MEGF11: variants seen among roughly 807,000 people sequenced by gnomAD.
The protein encoded by MEGF11 is multiple epidermal growth factor-like domains protein 11.
In MEGF11, 126 loss-of-function variants were observed where a neutral mutation model predicts 146.6. The observed-to-expected ratio is 0.86, with a 90% CI of 0.74 to 1.00. The LOEUF (loss-of-function observed/expected upper bound fraction) is 1.00. Ranked by LOEUF, MEGF11 falls within the 50% of genes least tolerant of loss-of-function variation. The probability of loss-of-function intolerance (pLI) is 0.00; values close to 1 mark genes in which losing one functional copy is unlikely to be tolerated. For missense variants in MEGF11, 1,509 were observed against 1,521.2 expected (o/e 0.99, Z 0.13); for synonymous variants, 532 against 583.4 (o/e 0.91, Z 1.27).
At chr15:66,093,173 C>G (rs544336608) in intron 5 of MEGF11, among the ~76,000 whole-genome samples, 48 of 152,288 alleles carry the variant, frequency 3.2e-4, no homozygotes, top group African/African-American at 1.1e-3. Flanking sequence ...ATACCTCAAA[C>G]AGATCATGGA....
At chr15:66,173,941 C>T (rs1394905928) in intron 1 of MEGF11, among the ~76,000 whole-genome samples, 1 of 152,190 alleles carries the variant, frequency 6.6e-6, no homozygotes, top group East Asian at 1.9e-4. Context: ...CAGAACAGTC[C>T]TCAGAGGGGC....
intron 4 of MEGF11, among the ~76,000 whole-genome samples, chr15:66,115,207 C>T (rs2087664198): frequency 6.6e-6 from 1 of 152,234 alleles, no homozygotes; most frequent in African/African-American, 2.4e-5. Flanking sequence ...GATGGGTTCT[C>T]ACCAGGTTCT....
intron 5 of MEGF11, among the ~76,000 whole-genome samples, chr15:66,077,479 C>A (rs4776717): frequency 0.96 from 146,778 of 152,310 alleles, 70,957 homozygotes; most frequent in East Asian, 1. Flanking sequence ...TATGGCTTTG[C>A]ATTCTCTCAA....
At chr15:66,015,788 A>C (rs1298262286) in intron 5 of MEGF11, among the ~76,000 whole-genome samples, 1 of 152,130 alleles carries the variant, frequency 6.6e-6, no homozygotes, top group Non-Finnish European at 1.5e-5. Context: ...TGGGAACTGC[A>C]AGGTGGCCAC....
chr15:66,153,987 C>G (rs1421490375), intron 1 of MEGF11, among the ~76,000 whole-genome samples: 1 of 152,228 alleles, frequency 6.6e-6, no homozygotes, highest in Admixed American at 6.5e-5. Context: ...CGGGTATCAA[C>G]AGCTGCAGGG....
rs115770534 is a variant in MEGF11 at position 66,059,234 on chromosome 15, G to A, written c.394+35168C>T. Among the ~76,000 whole-genome samples the A allele has an allele frequency of 3.2e-3, 487 of 152,244 alleles. 3 individuals carry two copies. The highest frequency in any genetic ancestry group is 0.011 in the African/African-American group (458 of 41,524). On this transcript the variant is annotated intron_variant, in intron 5 of 25. Transcript: ENST00000395614. ...CCAGCCCAGAGCTGTTCCCTCCCCCGCGCCATCCTCACCACGAGGAAGTTC... is the reference window on the plus strand; with the variant it reads ...CCAGCCCAGAGCTGTTCCCTCCCCCACGCCATCCTCACCACGAGGAAGTTC...
rs150362276 is a variant in MEGF11 at position 65,949,316 on chromosome 15, G to A, written c.1287+8231C>T. 1.3e-3 allele frequency among the ~76,000 whole-genome samples: 202 copies of A among 152,232 alleles called. 3 individuals carry two copies. In the East Asian group the frequency reaches 0.034, roughly 26 times the overall value. ...TGATCTGAATTTTCATAACTCTTGC[G>A]CCCCGCTCCCACCTTCCCTGGTCAG... On this transcript the variant is annotated intron_variant, in intron 10 of 25. Transcript: ENST00000395614.
intron 4 of MEGF11, 88 bp downstream of exon 4, chr15:66,118,998 G>A: frequency 2.3e-6 from 2 of 871,472 alleles, no homozygotes; most frequent in Non-Finnish European, 1.8e-6. Context: ...AGGGGCCGTG[G>A]ATATCAGCCC....
At chr15:66,074,937 G>T (rs1029947360) in intron 5 of MEGF11, among the ~76,000 whole-genome samples, 1 of 152,108 alleles carries the variant, frequency 6.6e-6, no homozygotes, top group Non-Finnish European at 1.5e-5. Context: ...CTTATTACCC[G>T]TCAAAATATG....
At chr15:65,990,464 T>C (rs2081995670) in intron 5 of MEGF11, among the ~76,000 whole-genome samples, 1 of 151,466 alleles carries the variant, frequency 6.6e-6, no homozygotes, top group Admixed American at 6.6e-5. Context: ...GGTGGGAGAA[T>C]TGCTTGGGCC....
At chr15:66,119,236 C>A in intron 3 of MEGF11, 50 bp from the exon 4 acceptor site, 1 of 1,265,224 alleles carries the variant, frequency 7.9e-7, no homozygotes, top group South Asian at 1.3e-5. Context: ...ATCAATCACT[C>A]CCATTTAGAA....
At chr15:66,218,628 C>T (rs1169009887) in intron 1 of MEGF11, among the ~76,000 whole-genome samples, 1 of 152,026 alleles carries the variant, frequency 6.6e-6, no homozygotes, top group East Asian at 1.9e-4. Context: ...CTTGCCTGTC[C>T]ACTTGCTTCA....
chr15:65,907,018 A>G (rs894343628), intron 23 of MEGF11, among the ~76,000 whole-genome samples: 1 of 152,108 alleles, frequency 6.6e-6, no homozygotes, highest in Non-Finnish European at 1.5e-5. Context: ...GACAGTAATG[A>G]CTCTGGCTCA....
Position 66,179,526 on chromosome 15 carries a change from G to C in MEGF11, c.-8-51115C>G, listed in dbSNP as rs545150839. 7.9e-5 allele frequency among the ~76,000 whole-genome samples: 12 copies of C among 152,246 alleles called. No individual in the cohort carries two copies. In the East Asian group the frequency reaches 2.3e-3, roughly 29 times the overall value. On this transcript the variant is annotated intron_variant, in intron 1 of 25. Coordinates refer to ENST00000395614, the MANE Select transcript of MEGF11 (RefSeq NM_001385028.1). ...GCAGACCTTCAGGAACAGGCTCTCC[G>C]CCTGTGAAGCTCTGAATCTCCATTC...
chr15:65,996,284 G>C (rs2082195445), intron 5 of MEGF11, among the ~76,000 whole-genome samples: 1 of 152,166 alleles, frequency 6.6e-6, no homozygotes, highest in African/African-American at 2.4e-5. Flanking sequence ...AAATTGTGGG[G>C]TGCAAATGAG....
At chr15:66,106,409 T>C (rs370962845) in intron 4 of MEGF11, among the ~76,000 whole-genome samples, 9 of 152,294 alleles carry the variant, frequency 5.9e-5, no homozygotes, top group African/African-American at 2.2e-4. Flanking sequence ...CAGCTCTCAA[T>C]ATACATGTGT....
At chr15:65,981,349 C>G (rs1567188139) in intron 6 of MEGF11, among the ~76,000 whole-genome samples, 1 of 152,178 alleles carries the variant, frequency 6.6e-6, no homozygotes, top group Non-Finnish European at 1.5e-5. Context: ...ATCTGGAGCA[C>G]GTTCCTTCCA....
At chr15:66,208,475 G>A (rs2091357377) in intron 1 of MEGF11, among the ~76,000 whole-genome samples, 1 of 152,118 alleles carries the variant, frequency 6.6e-6, no homozygotes, top group Non-Finnish European at 1.5e-5. Flanking sequence ...AATGAAAAAT[G>A]TATCAATAAT....
At chr15:66,020,787 G>A (rs1333871882) in intron 5 of MEGF11, among the ~76,000 whole-genome samples, 1 of 151,982 alleles carries the variant, frequency 6.6e-6, no homozygotes, top group African/African-American at 2.4e-5. Context: ...GGTCAGGAGA[G>A]CGAGACCATC....
Sources: gnomAD v4.1 joint callset for allele counts (sites outside exome capture counted in the v4.1 genomes callset) on GRCh38, gnomAD v4.1.1 for gene constraint, MANE v1.5 for transcripts, NCBI Gene and HGNC (gene_info 2026-07-23, HGNC 2026-07-21) for gene names.